TCF12: variants seen among roughly 807,000 people sequenced by gnomAD.
TCF12 encodes transcription factor 12, also known as DNA-binding protein HTF4.
TCF12 carries 45 observed loss-of-function variants against 86.0 expected under a neutral mutation model. The observed-to-expected ratio is 0.52, with a 90% CI of 0.41 to 0.67. TCF12 has a LOEUF of 0.67. Among genes scored for constraint, TCF12 ranks in the 30% least tolerant of loss-of-function variants. The probability of loss-of-function intolerance (pLI) is 0.00; values close to 1 mark genes in which losing one functional copy is unlikely to be tolerated. For synonymous variants in TCF12, 330 were observed against 299.6 expected, an observed-to-expected ratio of 1.10 and a Z score of -1.05; for missense variants, 881 against 859.9, an observed-to-expected ratio of 1.02 and a Z score of -0.31.
At chr15:56,991,149 G>T (rs757468980) in intron 3 of TCF12, among the ~76,000 whole-genome samples, 5 of 152,016 alleles carry the variant, frequency 3.3e-5, no homozygotes, top group Non-Finnish European at 7.4e-5. Context: ...TCCCAAGCTC[G>T]CCTTACGTAA....
At chr15:56,989,586 T>C (rs2063345712) in intron 3 of TCF12, among the ~76,000 whole-genome samples, 1 of 152,200 alleles carries the variant, frequency 6.6e-6, no homozygotes, top group Non-Finnish European at 1.5e-5. Context: ...TTCTTGACAT[T>C]ATTGCCTCAA....
intron 6 of TCF12, among the ~76,000 whole-genome samples, chr15:57,175,270 A>G (rs1157617312): frequency 6.6e-6 from 1 of 152,124 alleles, no homozygotes; most frequent in East Asian, 1.9e-4. Flanking sequence ...ATTGAGGGGT[A>G]TCACTTGAGC....
rs778020896 is a variant in TCF12, at chr15:57,243,540, A to T, written c.1104A>T (p.Ser368=). ...CATCAACACCAGTTGGATCACCTTC[A>T]CCTCTCACAGGTAGGCTTCTGTTTT... The part of the protein sequence containing the change: ...SNPSTPVGSP[S]PLTGTSQWPR... Residue 368 remains serine, a synonymous_variant, in exon 13 of 21, where the codon TCA becomes TCT. Coordinates refer to ENST00000333725, the MANE Select transcript of TCF12 (RefSeq NM_207037.2). 3 of 1,613,580 alleles carry T rather than the reference A, an allele frequency of 1.9e-6. No individual in the cohort carries two copies. The highest frequency in any genetic ancestry group is 1.1e-5 in the South Asian group (1 of 91,038).
chr15:57,069,177 C>T (rs1375816679), intron 4 of TCF12, among the ~76,000 whole-genome samples: 1 of 152,066 alleles, frequency 6.6e-6, no homozygotes, highest in Non-Finnish European at 1.5e-5. Flanking sequence ...TATATTGATA[C>T]TCTTTTCTAA....
intron 5 of TCF12, among the ~76,000 whole-genome samples, chr15:57,137,173 G>A (rs1859866554): frequency 6.6e-6 from 1 of 151,878 alleles, no homozygotes; most frequent in South Asian, 2.1e-4. Flanking sequence ...TAGAGACGCG[G>A]TTTCACCGCA....
chr15:57,217,718 G>T (rs1431123192), intron 8 of TCF12, among the ~76,000 whole-genome samples: 2 of 152,026 alleles, frequency 1.3e-5, no homozygotes, highest in African/African-American at 4.8e-5. Flanking sequence ...ATTTTGATTC[G>T]ATTTTGTTTG....
chr15:57,206,235 G>T (rs1165410938), intron 8 of TCF12, among the ~76,000 whole-genome samples: 1 of 152,162 alleles, frequency 6.6e-6, no homozygotes, highest in Non-Finnish European at 1.5e-5. Flanking sequence ...AGGCGTGATG[G>T]CTTATGCCTG....
intron 7 of TCF12, 72 bp from the exon 8 acceptor site, chr15:57,197,701 T>C (rs1297868652): frequency 3.2e-6 from 5 of 1,543,906 alleles, no homozygotes; most frequent in African/African-American, 2.8e-5. Context: ...GGAAAAGTTA[T>C]TCTGTTAATT....
chr15:57,013,322 T>C (rs1414322106), intron 3 of TCF12, among the ~76,000 whole-genome samples: 1 of 152,168 alleles, frequency 6.6e-6, no homozygotes, highest in Admixed American at 6.5e-5. Context: ...GAAGCATTTT[T>C]TCCTTTTATA....
At chr15:56,920,355 C>T (rs1173554756) in intron 2 of TCF12, among the ~76,000 whole-genome samples, 3 of 151,912 alleles carry the variant, frequency 2.0e-5, no homozygotes, top group Non-Finnish European at 4.4e-5. Context: ...CTTCAGTACT[C>T]CTCACCATTT....
rs530847770 is a variant in TCF12 at position 57,051,329 on chromosome 15, T to C, written c.149-12421T>C. Among the ~76,000 whole-genome samples the C allele has an allele frequency of 2.0e-5, 3 of 152,334 alleles. No homozygotes were observed. The East Asian group carries it at 5.8e-4, about 29-fold the overall frequency. On this transcript the variant is annotated intron_variant, in intron 3 of 20. Transcript: ENST00000333725. ...ATTCTTGTATTCTTCCTCACGTTTA[T>C]GTTGAGAGGTCATAAAGATTGGAGG... is the stretch of plus-strand genomic sequence containing the variant.
intron 5 of TCF12, among the ~76,000 whole-genome samples, chr15:57,104,012 A>G (rs1308665349): frequency 1.3e-5 from 2 of 152,162 alleles, no homozygotes; most frequent in Non-Finnish European, 2.9e-5. Flanking sequence ...TGTCTCAAAA[A>G]CAAACAAACA....
intron 3 of TCF12, 41 bp from the exon 4 acceptor site, chr15:57,063,709 G>A (rs2068631923): frequency 1.3e-6 from 2 of 1,552,660 alleles, no homozygotes; most frequent in Non-Finnish European, 1.8e-6. Context: ...ATCCACAAAA[G>A]TATGTTTTTA....
At chr15:57,283,607 T>G (rs1030244375) in intron 20 of TCF12, among the ~76,000 whole-genome samples, 66 of 152,306 alleles carry the variant, frequency 4.3e-4, no homozygotes, top group African/African-American at 1.5e-3. Context: ...GTATGTAGTT[T>G]TTTTCCCAAT....
chr15:57,203,471 C>A (rs2057656981), intron 8 of TCF12, among the ~76,000 whole-genome samples: 1 of 152,084 alleles, frequency 6.6e-6, no homozygotes, highest in Non-Finnish European at 1.5e-5. Context: ...TAAGTAAATA[C>A]CTGGAGAGAT....
At chr15:57,142,097 A>G (rs2053011711) in intron 5 of TCF12, among the ~76,000 whole-genome samples, 1 of 152,206 alleles carries the variant, frequency 6.6e-6, no homozygotes, top group Non-Finnish European at 1.5e-5. Context: ...TGTGCAGTAG[A>G]GCATCCACAC....
chr15:57,222,473 G>A (rs138635465), intron 8 of TCF12, among the ~76,000 whole-genome samples: 2,898 of 151,888 alleles, frequency 0.019, 48 homozygotes, highest in Non-Finnish European at 0.029. Flanking sequence ...TTAATGTTTT[G>A]TATTATATGT....
At chr15:56,987,662 C>T (rs1196666342) in intron 3 of TCF12, among the ~76,000 whole-genome samples, 1 of 152,172 alleles carries the variant, frequency 6.6e-6, no homozygotes, top group Non-Finnish European at 1.5e-5. Context: ...GTTATTTTTA[C>T]ATTTTAATGA....
chr15:57,012,766 C>T (rs1314152710), intron 3 of TCF12, among the ~76,000 whole-genome samples: 4 of 152,182 alleles, frequency 2.6e-5, no homozygotes, highest in Admixed American at 2.6e-4. Flanking sequence ...GCAATCTGCT[C>T]AGGCAGCCTG....
Sources: allele counts gnomAD v4.1 joint callset (sites outside exome capture counted in the v4.1 genomes callset), GRCh38; gene constraint gnomAD v4.1.1; transcripts MANE v1.5; gene names NCBI Gene and HGNC (gene_info 2026-07-23, HGNC 2026-07-21).